Variants in SLC6A6 observed in about 807,000 individuals in gnomAD.
The protein encoded by SLC6A6 is sodium- and chloride-dependent taurine transporter.
SLC6A6 carries 16 observed loss-of-function variants against 68.8 expected under a neutral mutation model. The ratio of observed to expected loss-of-function variants is 0.23; its 90% CI spans 0.16 to 0.35. The LOEUF is 0.35. SLC6A6 is among the 10% of genes least tolerant of loss of function. The pLI is 1.00. For synonymous variants in SLC6A6, 312 were observed against 315.4 expected (o/e 0.99, Z 0.12); for missense variants, 474 against 802.8 (o/e 0.59, Z 4.95).
chr3:14,414,034 T>A (rs1699310395), intron 1 of SLC6A6, among the ~76,000 whole-genome samples: 1 of 152,056 alleles, frequency 6.6e-6, no homozygotes, highest in South Asian at 2.1e-4. Flanking sequence ...AAAAGAACAT[T>A]TACTGACTCT....
chr3:14,448,713 C>T (rs972169337), intron 5 of SLC6A6, among the ~76,000 whole-genome samples: 1 of 152,178 alleles, frequency 6.6e-6, no homozygotes, highest in Non-Finnish European at 1.5e-5. Context: ...TAGTCAGTAA[C>T]TACAGGGAGG....
At position 14,485,307 on chromosome 3, in the gene SLC6A6, T is replaced by C; in HGVS notation, c.*300T>C. The C allele has an allele frequency of 4.2e-6, 1 of 237,876 alleles. No individual in the cohort carries two copies. The highest frequency in any genetic ancestry group is 2.2e-5 in the African/African-American group (1 of 44,512). 14.7% of individuals were successfully genotyped at this position (237,876 alleles called of 1,614,324 possible). A position where few individuals can be genotyped will look rare whatever the true frequency, so the allele number is the denominator to read the frequency against. ...GTATTTTATGGGAATTTGGTAAATTTTTCTTTGTATTTTTTTTTTTACATA... is the reference window on the plus strand; with the variant it reads ...GTATTTTATGGGAATTTGGTAAATTCTTCTTTGTATTTTTTTTTTTACATA... On this transcript the variant is annotated 3_prime_UTR_variant, in exon 15 of 15. Transcript: ENST00000622186.
chr3:14,452,871 G>A (rs1043332534), intron 5 of SLC6A6, among the ~76,000 whole-genome samples: 4 of 152,236 alleles, frequency 2.6e-5, no homozygotes, highest in African/African-American at 9.6e-5. Flanking sequence ...GAGGACAGGC[G>A]GGGCCAGACC....
intron 10 of SLC6A6, among the ~76,000 whole-genome samples, chr3:14,475,651 G>A (rs528030341): frequency 5.4e-4 from 82 of 152,252 alleles, no homozygotes; most frequent in Non-Finnish European, 9.7e-4. Context: ...GCTGGTCTTG[G>A]CCCTGATTCA....
At chr3:14,448,657 G>A (rs1024262912) in intron 5 of SLC6A6, among the ~76,000 whole-genome samples, 1 of 152,186 alleles carries the variant, frequency 6.6e-6, no homozygotes, top group Non-Finnish European at 1.5e-5. Flanking sequence ...GATTCAAGAG[G>A]TGGAGGAAAT....
In SLC6A6 at chr3:14,485,994, A is replaced by G. The variant is rs559668620; in HGVS notation, c.*987A>G. 1.3e-5 allele frequency: 2 copies of G among 152,800 alleles called. No individual in the cohort carries two copies. The highest frequency in any genetic ancestry group is 2.9e-5 in the Non-Finnish European group (2 of 68,076). 9.5% of individuals were successfully genotyped at this position (152,800 alleles called of 1,614,324 possible). A position where few individuals can be genotyped will look rare whatever the true frequency, so the allele number is the denominator to read the frequency against. Reference sequence around the variant, plus strand: ...CTCAGGGCTCAGATGAGTCTGTTGCATTTGAATGGGGTCATAGCAGGTTCT... The same window carrying G: ...CTCAGGGCTCAGATGAGTCTGTTGCGTTTGAATGGGGTCATAGCAGGTTCT... On this transcript the variant is annotated 3_prime_UTR_variant, in exon 15 of 15. Transcript: ENST00000622186.
Position 14,429,084 on chromosome 3 carries a change from C to A in SLC6A6, c.-12+12631C>A, listed in dbSNP as rs78769644. On this transcript the variant is annotated intron_variant, in intron 2 of 14. Coordinates refer to ENST00000622186, the MANE Select transcript of SLC6A6 (RefSeq NM_003043.6). ...GGTTGGTCTCCAAGGCTTCTCCCCC[C>A]AGTCTCAAACATGCAGGCCTCACTC... Among the ~76,000 whole-genome samples the A allele has an allele frequency of 6.9e-4, 105 of 152,320 alleles. 1 individual carries two copies. In the East Asian group the frequency reaches 0.012, roughly 18 times the overall value.
chr3:14,481,059 TG>T lies in SLC6A6; in HGVS notation c.1552-611del, dbSNP rs907812197. ...CTGCTAGCACTTATGGTGCACTTGT[TG>T]TATGTACCTGGAGCTGCACTGGGTG... is the stretch of plus-strand genomic sequence containing the variant. On this transcript the variant is annotated intron_variant, in intron 13 of 14. Coordinates refer to ENST00000622186, the MANE Select transcript of SLC6A6 (RefSeq NM_003043.6). The surrounding 1 kb of genome is among the most constrained non-coding windows in gnomAD (Gnocchi z 4.7). Among the ~76,000 whole-genome samples, 2 of 152,326 alleles carry T rather than the reference TG, an allele frequency of 1.3e-5. No homozygotes were observed. The highest frequency in any genetic ancestry group is 6.5e-5 in the Admixed American group (1 of 15,306).
intron 4 of SLC6A6, among the ~76,000 whole-genome samples, chr3:14,447,260 C>A (rs561969773): frequency 4.6e-5 from 7 of 151,924 alleles, no homozygotes; most frequent in African/African-American, 1.7e-4. Flanking sequence ...ATCCATCCAT[C>A]CATCCAAACA....
intron 10 of SLC6A6, among the ~76,000 whole-genome samples, chr3:14,473,862 G>C (rs1414507008): frequency 2.0e-5 from 3 of 152,206 alleles, no homozygotes; most frequent in Non-Finnish European, 2.9e-5. Context: ...AAATGACAAG[G>C]CATGACATCT....
At chr3:14,484,835 T>C (rs753983833) in intron 14 of SLC6A6, 32 bp from the exon 15 acceptor site, 54 of 1,605,274 alleles carry the variant, frequency 3.4e-5, no homozygotes, top group Non-Finnish European at 4.4e-5. Flanking sequence ...CCGCCTGACG[T>C]TTCCCCCCTC....
Position 14,485,144 on chromosome 3 carries a change from G to A in SLC6A6, c.*137G>A, listed in dbSNP as rs2125003149. 3.2e-6 allele frequency: 2 copies of A among 621,530 alleles called. No homozygotes were observed. The highest frequency in any genetic ancestry group is 2.9e-5 in the East Asian group (1 of 34,512). 38.5% of individuals were successfully genotyped at this position (621,530 alleles called of 1,614,324 possible). A position where few individuals can be genotyped will look rare whatever the true frequency, so the allele number is the denominator to read the frequency against. On this transcript the variant is annotated 3_prime_UTR_variant, in exon 15 of 15. Coordinates refer to ENST00000622186, the MANE Select transcript of SLC6A6 (RefSeq NM_003043.6). Reference sequence around the variant, plus strand: ...TAATTGTCACAGAAAATGTAATTGTGGGTATGTGTGCGTGCGTGTGTGTGT... The same window carrying A: ...TAATTGTCACAGAAAATGTAATTGTAGGTATGTGTGCGTGCGTGTGTGTGT...
chr3:14,422,990 A>G (rs1699517128), intron 2 of SLC6A6, among the ~76,000 whole-genome samples: 2 of 152,228 alleles, frequency 1.3e-5, no homozygotes, highest in Non-Finnish European at 2.9e-5. Flanking sequence ...GGACCCAGAG[A>G]GACCAGATTC....
intron 1 of SLC6A6, among the ~76,000 whole-genome samples, chr3:14,408,265 G>A (rs904219469): frequency 2.0e-5 from 3 of 151,834 alleles, no homozygotes; most frequent in Non-Finnish European, 4.4e-5. Context: ...TGATCCTTTC[G>A]GATCATTATA....
chr3:14,450,820 G>C lies in SLC6A6; in HGVS notation c.599+3004G>C, dbSNP rs1700235678. ...TTTCTTGGCATGCAATGGTGGAAAGGCAAGAGAACCAGTAGGGAATAGTTG... is the reference window on the plus strand; with the variant it reads ...TTTCTTGGCATGCAATGGTGGAAAGCCAAGAGAACCAGTAGGGAATAGTTG... On this transcript the variant is annotated intron_variant, in intron 5 of 14. Coordinates refer to ENST00000622186, the MANE Select transcript of SLC6A6 (RefSeq NM_003043.6). The surrounding 1 kb of genome is among the most constrained non-coding windows in gnomAD (Gnocchi z 4.1). 6.6e-6 allele frequency among the ~76,000 whole-genome samples: 1 copy of C among 152,266 alleles called. No individual in the cohort carries two copies. The highest frequency in any genetic ancestry group is 1.5e-5 in the Non-Finnish European group (1 of 68,050).
intron 5 of SLC6A6, among the ~76,000 whole-genome samples, chr3:14,456,294 G>A (rs1006080789): frequency 5.3e-5 from 8 of 152,266 alleles, no homozygotes; most frequent in Non-Finnish European, 1.0e-4. Flanking sequence ...CCAGCAAGAA[G>A]AGGGCAAAGA....
At chr3:14,466,439 G>A (rs1023031318) in intron 6 of SLC6A6, 77 bp from the exon 7 acceptor site, 83 of 1,500,906 alleles carry the variant, frequency 5.5e-5, no homozygotes, top group Non-Finnish European at 3.5e-5. Flanking sequence ...GCTCCCCTCT[G>A]CCTCTCTGAG....
At chr3:14,484,579 A>G (rs1701093086) in intron 14 of SLC6A6, among the ~76,000 whole-genome samples, 3 of 152,220 alleles carry the variant, frequency 2.0e-5, no homozygotes, top group Admixed American at 2.0e-4. Flanking sequence ...AAAAAAGCAC[A>G]TGAAGGTTGA....
At chr3:14,444,175 C>T (rs2124944884) in intron 3 of SLC6A6, 1 of 320,864 alleles carries the variant, frequency 3.1e-6, no homozygotes, top group Non-Finnish European at 5.9e-6. Context: ...TCTCCCAAGC[C>T]CCAGACATTC....
Sources: gnomAD v4.1 joint callset for allele counts (sites outside exome capture counted in the v4.1 genomes callset) on GRCh38, gnomAD v4.1.1 for gene constraint, Gnocchi (gnomAD v3.1) non-coding constraint, MANE v1.5 for transcripts, NCBI Gene and HGNC (gene_info 2026-07-23, HGNC 2026-07-21) for gene names.